ADAP2: variants seen among roughly 807,000 people sequenced by gnomAD.
ADAP2 encodes ArfGAP with dual PH domains 2.
ADAP2 carries 42 observed loss-of-function variants against 54.9 expected under a neutral mutation model. That is an observed-to-expected ratio of 0.77 (90% CI 0.60 to 0.99). The LOEUF is 0.99. ADAP2 is among the 50% of genes least tolerant of loss of function. The probability of loss-of-function intolerance (pLI) is 0.00; values close to 1 mark genes in which losing one functional copy is unlikely to be tolerated. For synonymous variants in ADAP2, 177 were observed against 180.1 expected (o/e 0.98, Z 0.14); for missense variants, 429 against 480.4 (o/e 0.89, Z 1.00).
intron 10 of ADAP2, 109 bp downstream of exon 10, chr17:30,956,578 C>T (rs1598061310): frequency 9.9e-7 from 1 of 1,005,716 alleles, no homozygotes; most frequent in East Asian, 2.6e-5. Context: ...TGATTCCTGA[C>T]TATGCTCTTT....
chr17:30,953,211 T>C, intron 7 of ADAP2, 77 bp from the exon 8 acceptor site: 1 of 1,401,196 alleles, frequency 7.1e-7, no homozygotes, highest in Non-Finnish European at 1.0e-6. Context: ...ACTTCCCCTT[T>C]GTCGGGAGCC....
chr17:30,948,876 C>CT (rs1904369480), intron 6 of ADAP2, among the ~76,000 whole-genome samples: 1 of 152,222 alleles, frequency 6.6e-6, no homozygotes, highest in South Asian at 2.1e-4. Context: ...ATTCCACTGA[C>CT]TAGCAGCATC....
chr17:30,952,578 G>A (rs1904751183), intron 7 of ADAP2, among the ~76,000 whole-genome samples: 1 of 152,132 alleles, frequency 6.6e-6, no homozygotes, highest in Non-Finnish European at 1.5e-5. Context: ...GTTTCGCCAT[G>A]TTGGCCAGGC....
In ADAP2 at chr17:30,959,181, G is replaced by A. The variant is rs762399658; in HGVS notation, c.*1312G>A. 6.6e-6 allele frequency: 1 copy of A among 152,182 alleles called. No individual in the cohort carries two copies. The allele number at this position is 152,182 out of a possible 1,614,324, so 9.4% of individuals were successfully genotyped here. A position where few individuals can be genotyped will look rare whatever the true frequency, so the allele number is the denominator to read the frequency against. ...GGATGAGGAAATTAATAAAGGTACA[G>A]TCTTGCCTTCAAGGAACTTATGGTC... On this transcript the variant is annotated 3_prime_UTR_variant, in exon 11 of 11. Coordinates refer to ENST00000330889, the MANE Select transcript of ADAP2 (RefSeq NM_018404.3).
At position 30,945,053 on chromosome 17, in the gene ADAP2, G is replaced by A. The variant is rs755413282; in HGVS notation, c.657G>A (p.Lys219=). 1.2e-6 allele frequency: 2 copies of A among 1,613,612 alleles called. No homozygotes were observed. The highest frequency in any genetic ancestry group is 1.3e-5 in the African/African-American group (1 of 75,016). Residue 219 remains lysine, a splice_region_variant and synonymous_variant, in exon 6 of 11, where the codon AAG becomes AAA. Coordinates refer to ENST00000330889, the MANE Select transcript of ADAP2 (RefSeq NM_018404.3). ...TGTTTGTGTATCATGAAAGTGGGAAGGTGAGATGCCTGGAGTTGCCACCTC... is the reference window on the plus strand; with the variant it reads ...TGTTTGTGTATCATGAAAGTGGGAAAGTGAGATGCCTGGAGTTGCCACCTC... ...RNLFVYHESG[K]EIVDWFNALR...
chr17:30,924,688 T>G (rs1366704996), intron 2 of ADAP2, among the ~76,000 whole-genome samples: 1 of 152,096 alleles, frequency 6.6e-6, no homozygotes, highest in African/African-American at 2.4e-5. Context: ...GACTGGAGGC[T>G]TTAGTGTGAC....
chr17:30,946,645 G>C (rs1265594458), intron 6 of ADAP2, among the ~76,000 whole-genome samples: 4 of 152,156 alleles, frequency 2.6e-5, no homozygotes, highest in African/African-American at 7.2e-5. Context: ...GATGCTGAGT[G>C]GGGGTGGATG....
rs8071216 is a variant in ADAP2 at position 30,943,994 on chromosome 17, C to G, written c.511-913C>G. Among the ~76,000 whole-genome samples, 1,156 of 151,754 alleles carry G rather than the reference C, an allele frequency of 7.6e-3. 13 individuals carry two copies. Among genetic ancestry groups the G allele is most frequent in the African/African-American group, 0.027 (1,102 of 41,376 alleles). On this transcript the variant is annotated intron_variant, in intron 5 of 10. Coordinates refer to ENST00000330889, the MANE Select transcript of ADAP2 (RefSeq NM_018404.3). The stretch of plus-strand genomic sequence containing the variant: ...TCACCTGAGGTCAGGAGTTTGAGAC[C>G]AGCCCGGCTAACATGGTGAAACCCC...
intron 5 of ADAP2, among the ~76,000 whole-genome samples, chr17:30,944,163 GC>G (rs1483306908): frequency 6.6e-6 from 1 of 152,150 alleles, no homozygotes; most frequent in Non-Finnish European, 1.5e-5. Flanking sequence ...TTGCACTCCA[GC>G]TGGGCAGCAA....
Position 30,922,072 on chromosome 17 carries a change from A to G in ADAP2, c.58A>G (p.Thr20Ala). ...GCTGGAGCTGCTGCGGGCGCCGGAC[A>G]CAGGCAACGCGCACTGCGCCGACTG... ...RLLELLRAPDTGNAHCADCGA... is the reference protein window; with the variant it reads ...RLLELLRAPDAGNAHCADCGA... Residue 20 changes from threonine to alanine, a missense_variant, in exon 1 of 11, where the codon ACA becomes GCA. Coordinates refer to ENST00000330889, the MANE Select transcript of ADAP2 (RefSeq NM_018404.3). 1.6e-6 allele frequency: 2 copies of G among 1,271,046 alleles called. No individual in the cohort carries two copies. Among genetic ancestry groups the G allele is most frequent in the Non-Finnish European group, 2.0e-6 (2 of 1,013,088 alleles). 78.7% of individuals were successfully genotyped at this position (1,271,046 alleles called of 1,614,324 possible).
chr17:30,938,511 A>G (rs1265424866), intron 5 of ADAP2, among the ~76,000 whole-genome samples: 1 of 152,180 alleles, frequency 6.6e-6, no homozygotes, highest in African/African-American at 2.4e-5. Flanking sequence ...ATACACTGGG[A>G]GGGAAAGACT....
intron 6 of ADAP2, among the ~76,000 whole-genome samples, chr17:30,948,305 G>A (rs1318885826): frequency 2.0e-5 from 3 of 152,036 alleles, no homozygotes; most frequent in Non-Finnish European, 2.9e-5. Flanking sequence ...CAGGCTGGGC[G>A]CTGTGGCTCA....
In ADAP2 at chr17:30,935,391, C is replaced by T. The variant is rs143558424; in HGVS notation, c.510+1094C>T. On this transcript the variant is annotated intron_variant, in intron 5 of 10. Coordinates refer to ENST00000330889, the MANE Select transcript of ADAP2 (RefSeq NM_018404.3). ...CTCAAGAAAAAAAGAAGTAAAATAG[C>T]GGAGAGTGAGAAGATAGACAACAAT... Among the ~76,000 whole-genome samples the T allele has an allele frequency of 2.6e-3, 393 of 151,954 alleles. 1 individual carries two copies. The highest frequency in any genetic ancestry group is 9.0e-3 in the African/African-American group (374 of 41,464).
At chr17:30,956,578 C>A in intron 10 of ADAP2, 109 bp downstream of exon 10, 1 of 1,005,716 alleles carries the variant, frequency 9.9e-7, no homozygotes, top group Non-Finnish European at 1.5e-6. Context: ...TGATTCCTGA[C>A]TATGCTCTTT....
chr17:30,923,942 A>C (rs2142500785), intron 2 of ADAP2, among the ~76,000 whole-genome samples: 1 of 151,556 alleles, frequency 6.6e-6, no homozygotes, highest in Admixed American at 6.6e-5. Flanking sequence ...GACCTTGGGT[A>C]ATCCACCCTC....
rs59181564 is a variant in ADAP2 at position 30,931,438 on chromosome 17, C to T, written c.318-451C>T. Reference sequence around the variant, plus strand: ...AACAGAACAAGGAATTATCCAACCCCGAATGTTAACAGTACTGAGGCTGAG... The same window carrying T: ...AACAGAACAAGGAATTATCCAACCCTGAATGTTAACAGTACTGAGGCTGAG... On this transcript the variant is annotated intron_variant, in intron 3 of 10. Transcript: ENST00000330889. Among the ~76,000 whole-genome samples, 20 of 152,172 alleles carry T rather than the reference C, an allele frequency of 1.3e-4. No homozygotes were observed. The East Asian group carries it at 3.5e-3, about 26-fold the overall frequency.
In ADAP2 at chr17:30,926,894, A is replaced by G. The variant is rs1399723871; in HGVS notation, c.293A>G (p.Tyr98Cys). 1.9e-6 allele frequency: 3 copies of G among 1,614,026 alleles called. No individual in the cohort carries two copies. In the African/African-American group the frequency reaches 4.0e-5, roughly 22 times the overall value. ...GAAGCCAGAGTCCCAGCTTTCTACT[A>G]CATCCCCCAGGCCAACGACTGCCTG... ...KFEARVPAFY[Y>C]IPQANDCLVL... The change falls in exon 3 of 11, where the codon TAC (tyrosine) becomes TGC (cysteine). Residue 98 changes from tyrosine (Y) to cysteine (C), a missense_variant. Tyr to Cys is a radical substitution (Grantham distance 194). Coordinates refer to ENST00000330889, the MANE Select transcript of ADAP2 (RefSeq NM_018404.3).
rs1912375717 is a variant in ADAP2, at chr17:30,942,888, T to TA, written c.511-2013dup. Among the ~76,000 whole-genome samples the TA allele has an allele frequency of 4.6e-5, 7 of 152,130 alleles. No individual in the cohort carries two copies. In the South Asian group the frequency reaches 1.5e-3, roughly 32 times the overall value. Reference sequence around the variant, plus strand: ...AGTCAGAATGACTGTTATCAAAAAGTAAAAAAGTAACAGATACTGGTGAGG... The same window carrying TA: ...AGTCAGAATGACTGTTATCAAAAAGTAAAAAAAGTAACAGATACTGGTGAGG... On this transcript the variant is annotated intron_variant, in intron 5 of 10. Coordinates refer to ENST00000330889, the MANE Select transcript of ADAP2 (RefSeq NM_018404.3).
chr17:30,928,190 C>CA (rs1168453604), intron 3 of ADAP2, among the ~76,000 whole-genome samples: 1,850 of 30,280 alleles, frequency 0.061, 21 homozygotes, highest in African/African-American at 0.077. Context: ...GAGACTGTCT[C>CA]AAAAAAAAAA....
Sources: gnomAD v4.1 joint callset for allele counts (sites outside exome capture counted in the v4.1 genomes callset) on GRCh38, gnomAD v4.1.1 for gene constraint, MANE v1.5 for transcripts, NCBI Gene and HGNC (gene_info 2026-07-23, HGNC 2026-07-21) for gene names.